The following COBL variants were observed in gnomAD, a reference collection of about 807,000 sequenced individuals.
COBL encodes the protein cordon-bleu WH2 repeat protein.
Under a neutral mutation model 98.8 loss-of-function variants are expected in COBL, and 51 were observed. That is an observed-to-expected ratio of 0.52 (90% CI 0.41 to 0.65). COBL has a LOEUF of 0.65. COBL is among the 30% of genes least tolerant of loss of function. The pLI is 0.00. For missense variants in COBL, 1,617 were observed against 1,617.5 expected (o/e 1.00, Z 0.01); for synonymous variants, 634 against 651.7 (o/e 0.97, Z 0.41).
Position 51,187,719 on chromosome 7 carries a change from T to C in COBL, c.685+3131A>G, listed in dbSNP as rs566764656. ...CAAATTCTCCTAAGAAGCATTCTTA[T>C]CTGAACCAACCAGGGAATCAAGAAA... On this transcript the variant is annotated intron_variant, in intron 4 of 12. Coordinates refer to ENST00000265136, the MANE Select transcript of COBL (RefSeq NM_015198.5). Among the ~76,000 whole-genome samples, 42 of 152,324 alleles carry C rather than the reference T, an allele frequency of 2.8e-4. No homozygotes were observed. The South Asian group carries it at 8.7e-3, about 32-fold the overall frequency.
In COBL at chr7:51,256,411, G is replaced by A. The variant is rs181626528; in HGVS notation, c.42-36467C>T. On this transcript the variant is annotated intron_variant, in intron 1 of 12. Coordinates refer to ENST00000265136, the MANE Select transcript of COBL (RefSeq NM_015198.5). ...GCCACAAGCAAGTCTTTGTGTGTCA[G>A]GAGGGCCCACTGCTGGGGCTTTCAG... Among the ~76,000 whole-genome samples, 20 of 152,344 alleles carry A rather than the reference G, an allele frequency of 1.3e-4. No individual in the cohort carries two copies. The East Asian group carries it at 3.9e-3, about 29-fold the overall frequency.
chr7:51,237,143 G>A (rs1171158452), intron 1 of COBL, among the ~76,000 whole-genome samples: 2 of 152,200 alleles, frequency 1.3e-5, no homozygotes, highest in African/African-American at 4.8e-5. Context: ...CAATGTGCAT[G>A]AGTTCAATGG....
intron 2 of COBL, among the ~76,000 whole-genome samples, chr7:51,214,578 C>A (rs1322366008): frequency 6.6e-6 from 1 of 152,160 alleles, no homozygotes; most frequent in African/African-American, 2.4e-5. Flanking sequence ...ACTTCATAAT[C>A]TAGAGCCTTC....
chr7:51,096,068 T>C (rs1198773156), intron 6 of COBL, among the ~76,000 whole-genome samples: 1 of 152,144 alleles, frequency 6.6e-6, no homozygotes, highest in Non-Finnish European at 1.5e-5. Context: ...TCTTTCTCTG[T>C]CTCTATGTTA....
chr7:51,097,302 A>T (rs1795354776), intron 6 of COBL, among the ~76,000 whole-genome samples: 1 of 152,232 alleles, frequency 6.6e-6, no homozygotes, highest in Admixed American at 6.5e-5. Context: ...AATTACCTAA[A>T]CTTAACAAAG....
intron 2 of COBL, among the ~76,000 whole-genome samples, chr7:51,218,641 TTA>T (rs1193023212): frequency 6.6e-6 from 1 of 152,106 alleles, no homozygotes; most frequent in African/African-American, 2.4e-5. Context: ...GCCTGGCTAA[TTA>T]TTTTGCATTT....
intron 7 of COBL, among the ~76,000 whole-genome samples, chr7:51,067,060 T>C (rs1023024690): frequency 6.6e-6 from 1 of 152,186 alleles, no homozygotes; most frequent in Non-Finnish European, 1.5e-5. Context: ...AAGTTCAGAA[T>C]CCTTGCAAAG....
chr7:51,201,454 T>C (rs763662971), intron 2 of COBL, among the ~76,000 whole-genome samples: 1 of 152,004 alleles, frequency 6.6e-6, no homozygotes, highest in Non-Finnish European at 1.5e-5. Flanking sequence ...ATATGTAAAG[T>C]AAACATTCAT....
At chr7:51,062,930 G>T (rs2128912801) in intron 7 of COBL, among the ~76,000 whole-genome samples, 1 of 152,278 alleles carries the variant, frequency 6.6e-6, no homozygotes, top group South Asian at 2.1e-4. Flanking sequence ...ATTTGCTCAG[G>T]ACTCCAACCC....
intron 3 of COBL, among the ~76,000 whole-genome samples, chr7:51,192,741 C>A (rs1414779072): frequency 6.6e-6 from 1 of 152,122 alleles, no homozygotes; most frequent in Non-Finnish European, 1.5e-5. Flanking sequence ...TTTCTGACAT[C>A]AGTTTTTCAA....
chr7:51,167,120 A>G (rs1429951507), intron 5 of COBL, among the ~76,000 whole-genome samples: 2 of 152,188 alleles, frequency 1.3e-5, no homozygotes, highest in Non-Finnish European at 2.9e-5. Flanking sequence ...AGACAAGAGA[A>G]AGATATAAAG....
chr7:51,064,935 G>A (rs1303126043), intron 7 of COBL: 5 of 581,196 alleles, frequency 8.6e-6, no homozygotes, highest in Non-Finnish European at 1.5e-5. Context: ...CTGTGGTGAC[G>A]GGTTCATATT....
At chr7:51,180,256 A>G (rs1200769959) in intron 5 of COBL, among the ~76,000 whole-genome samples, 2 of 152,214 alleles carry the variant, frequency 1.3e-5, no homozygotes, top group Non-Finnish European at 2.9e-5. Context: ...GTGGACTTAG[A>G]AAATGGCTGG....
intron 1 of COBL, among the ~76,000 whole-genome samples, chr7:51,246,376 G>A (rs1796271315): frequency 6.6e-6 from 1 of 152,114 alleles, no homozygotes; most frequent in Non-Finnish European, 1.5e-5. Flanking sequence ...TTGTCAGCAG[G>A]ACACATGCAC....
intron 7 of COBL, among the ~76,000 whole-genome samples, chr7:51,083,470 G>C (rs959863917): frequency 2.0e-5 from 3 of 152,184 alleles, no homozygotes; most frequent in African/African-American, 7.2e-5. Flanking sequence ...GAGCAGTTTG[G>C]AAAGATGTGC....
intron 7 of COBL, among the ~76,000 whole-genome samples, chr7:51,083,481 C>T (rs1230913049): frequency 6.6e-6 from 1 of 152,180 alleles, no homozygotes; most frequent in Admixed American, 6.5e-5. Flanking sequence ...AAAGATGTGC[C>T]TGGTTGCAAT....
At chr7:51,139,957 G>A (rs573542505) in intron 5 of COBL, among the ~76,000 whole-genome samples, 93 of 152,304 alleles carry the variant, frequency 6.1e-4, no homozygotes, top group African/African-American at 2.2e-3. Flanking sequence ...TTGCCTGCAA[G>A]AGAGGTTTGA....
chr7:51,183,264 C>T (rs553809350), intron 5 of COBL, among the ~76,000 whole-genome samples: 30 of 152,294 alleles, frequency 2.0e-4, no homozygotes, highest in African/African-American at 7.0e-4. Context: ...AGATGGAGCA[C>T]ACTTCCAAAC....
At chr7:51,231,898 A>G (rs1794791504) in intron 1 of COBL, among the ~76,000 whole-genome samples, 1 of 152,110 alleles carries the variant, frequency 6.6e-6, no homozygotes, top group African/African-American at 2.4e-5. Flanking sequence ...CCACCCAGCC[A>G]TGGAAGCAGC....
Sources: allele counts gnomAD v4.1 joint callset (sites outside exome capture counted in the v4.1 genomes callset), GRCh38; gene constraint gnomAD v4.1.1; transcripts MANE v1.5; gene names NCBI Gene and HGNC (gene_info 2026-07-23, HGNC 2026-07-21).